Variants in BBC3 observed in about 807,000 individuals in gnomAD.
BBC3 encodes bcl-2-binding component 3.
Under a neutral mutation model 18.2 loss-of-function variants are expected in BBC3, and 5 were observed. The ratio of observed to expected loss-of-function variants is 0.27; its 90% CI spans 0.14 to 0.58. The LOEUF (loss-of-function observed/expected upper bound fraction) is 0.58. BBC3 is among the 20% of genes least tolerant of loss of function. The probability of loss-of-function intolerance (pLI) is 0.91; values close to 1 mark genes in which losing one functional copy is unlikely to be tolerated. For synonymous variants in BBC3, 119 were observed against 128.0 expected (o/e 0.93, Z 0.47); for missense variants, 224 against 268.9 (o/e 0.83, Z 1.17).
In BBC3 at chr19:47,227,997, C is replaced by G. The variant is rs116277200; in HGVS notation, c.274+161G>C. Among the ~76,000 whole-genome samples, 526 of 152,304 alleles carry G rather than the reference C, an allele frequency of 3.5e-3. 5 individuals are homozygous for G. Among genetic ancestry groups the G allele is most frequent in the African/African-American group, 0.012 (501 of 41,572 alleles). The stretch of plus-strand genomic sequence containing the variant: ...CCCCTCCACCCCCAGCCTCCGTCTT[C>G]CTGCTTCTTGCAACACAAAGACCAC... On this transcript the variant is annotated intron_variant, in intron 2 of 3. Transcript: ENST00000439096.
chr19:47,221,806 T>C lies in BBC3; in HGVS notation c.578A>G (p.Asn193Ser), dbSNP rs2058754846. The change falls in exon 4 of 4, where the codon AAT (asparagine) becomes AGT (serine). Residue 193 changes from asparagine to serine, a missense_variant. Transcript: ENST00000439096. ...CCACCGGGCGGGTGCAGGCACCTAA[T>C]TGGGCTCCATCTCGGGGGCTCTGTG... ...RGHRAPEMEP[N>S] 4 of 1,612,944 alleles carry C rather than the reference T, an allele frequency of 2.5e-6. No homozygotes were observed. The highest frequency in any genetic ancestry group is 2.5e-6 in the Non-Finnish European group (3 of 1,179,600).
intron 3 of BBC3, among the ~76,000 whole-genome samples, chr19:47,224,982 G>A (rs1482050427): frequency 6.6e-6 from 1 of 151,938 alleles, no homozygotes; most frequent in Non-Finnish European, 1.5e-5. Flanking sequence ...CACGATCTCG[G>A]CTCACCGCAA....
chr19:47,227,057 G>A (rs769278387), intron 2 of BBC3: 1 of 285,010 alleles, frequency 3.5e-6, no homozygotes, highest in Non-Finnish European at 6.6e-6. Flanking sequence ...TTTTCCAAAG[G>A]GGCCACATTT....
rs952758979 is a variant in BBC3 at position 47,228,386 on chromosome 19, C to T, written c.46G>A (p.Gly16Ser). 8 of 1,231,454 alleles carry T rather than the reference C, an allele frequency of 6.5e-6. No individual in the cohort carries two copies. The South Asian group carries it at 2.5e-4, about 38-fold the overall frequency. The allele number at this position is 1,231,454 out of a possible 1,614,324, so 76.3% of individuals were successfully genotyped here. ...GGGCGCGGGCCGTCGCGGGCCAGGC[C>T]CTCTACGGGCTCCGGGGAGCTGCCC... is the stretch of plus-strand genomic sequence containing the variant. Reference protein sequence around the residue: ...QEGSSPEPVEGLARDGPRPFP... With the variant: ...QEGSSPEPVESLARDGPRPFP... The change falls in exon 2 of 4, where the codon GGC (glycine) becomes AGC (serine). Residue 16 changes from glycine to serine, a missense_variant. Physicochemically the swap from Gly to Ser is moderately conservative, Grantham distance 56 (BLOSUM62 0). Coordinates refer to ENST00000439096, the MANE Select transcript of BBC3 (RefSeq NM_014417.5). The surrounding 1 kb of genome is among the most constrained non-coding windows in gnomAD (Gnocchi z 5.5).
intron 3 of BBC3, among the ~76,000 whole-genome samples, chr19:47,222,881 G>A (rs1272844194): frequency 6.7e-6 from 1 of 149,988 alleles, no homozygotes; most frequent in Non-Finnish European, 1.5e-5. Flanking sequence ...CAGGAGAATC[G>A]CTTGAACCTG....
chr19:47,231,893 T>G (rs1387231026), upstream of BBC3, among the ~76,000 whole-genome samples: 1 of 151,972 alleles, frequency 6.6e-6, no homozygotes, highest in African/African-American at 2.4e-5. This position sits in a 1 kb window ranked among gnomAD's most constrained non-coding sequence, Gnocchi z 4.0. Context: ...GGCGGAGTGC[T>G]TATCAGGAAA....
intron 2 of BBC3, among the ~76,000 whole-genome samples, chr19:47,227,677 C>T (rs2058852445): frequency 1.3e-5 from 2 of 152,220 alleles, no homozygotes; most frequent in South Asian, 4.1e-4. Context: ...AGGGGACTTC[C>T]CAACACAATG....
upstream of BBC3, among the ~76,000 whole-genome samples, chr19:47,231,406 C>T (rs2058914380): frequency 6.6e-6 from 1 of 152,100 alleles, no homozygotes; most frequent in African/African-American, 2.4e-5. The surrounding 1 kb of genome is among the most constrained non-coding windows in gnomAD (Gnocchi z 4.0). Flanking sequence ...GGGGCAGGGC[C>T]TAGCCCAAGG....
At position 47,228,539 on chromosome 19, in the gene BBC3, G is replaced by A. The variant is rs3810293; in HGVS notation, c.-15-93C>T. On this transcript the variant is annotated intron_variant, in intron 1 of 3. Transcript: ENST00000439096. The surrounding 1 kb of genome is among the most constrained non-coding windows in gnomAD (Gnocchi z 5.5). ...CCGGGGTTAGGACCCAGATGGAGAA[G>A]AGTGGAGGTGTGTGTGCATGCGGAG... 1 of 1,144,798 alleles carries A rather than the reference G, an allele frequency of 8.7e-7. No individual in the cohort carries two copies. The highest frequency in any genetic ancestry group is 1.1e-6 in the Non-Finnish European group (1 of 911,134). The allele number at this position is 1,144,798 out of a possible 1,614,324, so 70.9% of individuals were successfully genotyped here. A position where few individuals can be genotyped will look rare whatever the true frequency, so the allele number is the denominator to read the frequency against.
At chr19:47,222,127 C>A in intron 3 of BBC3, 1 of 518,566 alleles carries the variant, frequency 1.9e-6, no homozygotes, top group Non-Finnish European at 3.4e-6. Context: ...GGAATGCCTT[C>A]AGCAGAGAGC....
intron 2 of BBC3, among the ~76,000 whole-genome samples, chr19:47,227,452 C>A (rs184146269): frequency 1.3e-5 from 2 of 152,168 alleles, no homozygotes; most frequent in Admixed American, 6.5e-5. Flanking sequence ...AAATCGGTGT[C>A]CCCTTCCAGG....
rs528981444 is a variant in BBC3 at position 47,229,765 on chromosome 19, G to A, written c.-16+1164C>T. Among the ~76,000 whole-genome samples, 17 of 151,814 alleles carry A rather than the reference G, an allele frequency of 1.1e-4. No individual in the cohort carries two copies. In the East Asian group the frequency reaches 3.1e-3, roughly 28 times the overall value. ...GGGTCCTCAAATCCCAGACGCTGATGCCAGACACACAAGCCAAACCCAGAC... is the reference window on the plus strand; with the variant it reads ...GGGTCCTCAAATCCCAGACGCTGATACCAGACACACAAGCCAAACCCAGAC... On this transcript the variant is annotated intron_variant, in intron 1 of 3. Coordinates refer to ENST00000439096, the MANE Select transcript of BBC3 (RefSeq NM_014417.5).
chr19:47,226,516 C>T (rs772051701), intron 3 of BBC3, 48 bp downstream of exon 3: 141 of 1,482,818 alleles, frequency 9.5e-5, no homozygotes, highest in Non-Finnish European at 1.2e-4. Context: ...GCCGCCCCCT[C>T]CTCCGGCGGA....
At chr19:47,222,954 ACT>A (rs1306774285) in intron 3 of BBC3, among the ~76,000 whole-genome samples, 1 of 102,684 alleles carries the variant, frequency 9.7e-6, no homozygotes, top group East Asian at 3.0e-4. Flanking sequence ...CAAGAGCAAA[ACT>A]CTGTCTCAAA....
intron 3 of BBC3, 38 bp from the exon 4 acceptor site, chr19:47,221,956 C>T: frequency 2.6e-6 from 4 of 1,552,874 alleles, no homozygotes; most frequent in Middle Eastern, 1.7e-4. Flanking sequence ...TAGCAGGGGA[C>T]TGAGTATGGT....
chr19:47,226,954 GTCTGGCCAGC>G (rs2058834577), intron 2 of BBC3, 200 bp from the exon 3 acceptor site: 1 of 468,062 alleles, frequency 2.1e-6, no homozygotes, highest in Middle Eastern at 3.0e-4. Context: ...GGGGTCACCT[GTCTGGCCAGC>G]TACGTCCCCA....
chr19:47,222,602 C>G (rs559884490), intron 3 of BBC3: 3 of 152,340 alleles, frequency 2.0e-5, no homozygotes, highest in African/African-American at 7.2e-5. Context: ...TTTGAGAGGC[C>G]AAGGCGGGAG....
At chr19:47,221,983 G>C in intron 3 of BBC3, 65 bp from the exon 4 acceptor site, 1 of 1,417,422 alleles carries the variant, frequency 7.1e-7, no homozygotes. Context: ...AGTGGGGATG[G>C]TCAGCTCCAG....
rs1270087033 is a variant in BBC3 at position 47,230,325 on chromosome 19, G to A, written c.-16+604C>T. Among the ~76,000 whole-genome samples, 1 of 151,858 alleles carries A rather than the reference G, an allele frequency of 6.6e-6. No homozygotes were observed. Among genetic ancestry groups the A allele is most frequent in the Non-Finnish European group, 1.5e-5 (1 of 67,940 alleles). ...GCCAGACACGCGCACACACCCAGGC[G>A]AGACACCTGCAGATCCACAACCCCG... is the stretch of plus-strand genomic sequence containing the variant. On this transcript the variant is annotated intron_variant, in intron 1 of 3. Transcript: ENST00000439096. The surrounding 1 kb of genome is among the most constrained non-coding windows in gnomAD (Gnocchi z 6.7).
Sources: gnomAD v4.1 joint callset for allele counts (sites outside exome capture counted in the v4.1 genomes callset) on GRCh38, gnomAD v4.1.1 for gene constraint, Gnocchi (gnomAD v3.1) non-coding constraint, MANE v1.5 for transcripts, NCBI Gene and HGNC (gene_info 2026-07-23, HGNC 2026-07-21) for gene names.